The following PDE4B variants were observed in gnomAD, a reference collection of about 807,000 sequenced individuals.
PDE4B encodes the protein 3',5'-cyclic-AMP phosphodiesterase 4B.
Under a neutral mutation model 82.2 loss-of-function variants are expected in PDE4B, and 20 were observed. The observed-to-expected ratio is 0.24, with a 90% CI of 0.17 to 0.35. The LOEUF (loss-of-function observed/expected upper bound fraction) is 0.35. Among genes scored for constraint, PDE4B ranks in the 10% least tolerant of loss-of-function variants. PDE4B has a pLI of 1.00. For synonymous variants in PDE4B, 320 were observed against 318.9 expected (o/e 1.00, Z -0.04); for missense variants, 655 against 907.2 (o/e 0.72, Z 3.57).
intron 1 of PDE4B, among the ~76,000 whole-genome samples, chr1:65,841,354 G>C (rs1052238445): frequency 5.3e-5 from 8 of 149,700 alleles, no homozygotes; most frequent in Non-Finnish European, 5.9e-5. Flanking sequence ...AAGGAAGAAA[G>C]AAAGAGAGAG....
intron 7 of PDE4B, among the ~76,000 whole-genome samples, chr1:66,280,960 G>A (rs531688131): frequency 2.0e-5 from 3 of 152,166 alleles, no homozygotes; most frequent in African/African-American, 4.8e-5. Flanking sequence ...CGTCACCAGG[G>A]TGTACATAGC....
Position 66,242,791 on chromosome 1 carries a change from C to A in PDE4B, c.282-4669C>A, listed in dbSNP as rs1291231803. Reference sequence around the variant, plus strand: ...TAAGGCTTCAGTTATGTTTCTCCCTCCAAAATTGCCAGCAGCCCCACCTGC... The same window carrying A: ...TAAGGCTTCAGTTATGTTTCTCCCTACAAAATTGCCAGCAGCCCCACCTGC... On this transcript the variant is annotated intron_variant, in intron 3 of 16. Transcript: ENST00000341517. Among the ~76,000 whole-genome samples the A allele has an allele frequency of 2.0e-5, 3 of 152,192 alleles. No individual in the cohort carries two copies. In the South Asian group the frequency reaches 6.2e-4, roughly 32 times the overall value.
chr1:66,207,636 T>C (rs967540135), intron 3 of PDE4B, among the ~76,000 whole-genome samples: 2 of 152,196 alleles, frequency 1.3e-5, no homozygotes, highest in African/African-American at 2.4e-5. Context: ...CTGTTTAATT[T>C]CTCATATGAT....
chr1:65,845,842 T>G (rs1646262291), intron 1 of PDE4B, among the ~76,000 whole-genome samples: 1 of 152,144 alleles, frequency 6.6e-6, no homozygotes, highest in Non-Finnish European at 1.5e-5. Flanking sequence ...TCCGGATGGG[T>G]GTCTCATTAC....
chr1:66,203,667 T>C (rs377308494), intron 3 of PDE4B, among the ~76,000 whole-genome samples: 27 of 152,338 alleles, frequency 1.8e-4, no homozygotes, highest in African/African-American at 6.5e-4. Flanking sequence ...GCATTCTTCA[T>C]GTAGTTCTCG....
chr1:66,057,249 T>C (rs1655351882), intron 3 of PDE4B, among the ~76,000 whole-genome samples: 1 of 152,192 alleles, frequency 6.6e-6, no homozygotes, highest in Non-Finnish European at 1.5e-5. Flanking sequence ...TAAATAATAA[T>C]AGACATGTTT....
At chr1:66,322,706 G>A (rs1249496466) in intron 7 of PDE4B, among the ~76,000 whole-genome samples, 4 of 151,612 alleles carry the variant, frequency 2.6e-5, no homozygotes, top group Non-Finnish European at 5.9e-5. Context: ...AAAAATTCCT[G>A]TGTTGAAACC....
chr1:66,032,040 A>C (rs147516070), intron 3 of PDE4B, among the ~76,000 whole-genome samples: 1 of 152,330 alleles, frequency 6.6e-6, no homozygotes, highest in African/African-American at 2.4e-5. Flanking sequence ...TCTGAGATAG[A>C]GCTGATCTGG....
At chr1:66,231,779 C>G (rs185324894) in intron 3 of PDE4B, among the ~76,000 whole-genome samples, 1 of 152,306 alleles carries the variant, frequency 6.6e-6, no homozygotes, top group East Asian at 1.9e-4. Context: ...CTTCTCTATT[C>G]ACTTCAAAAC....
chr1:65,970,595 A>G (rs1294440252), intron 3 of PDE4B, among the ~76,000 whole-genome samples: 1 of 152,164 alleles, frequency 6.6e-6, no homozygotes, highest in Non-Finnish European at 1.5e-5. Flanking sequence ...GGAAATAGAT[A>G]TGCCAATATA....
chr1:66,079,278 T>C (rs952617612), intron 3 of PDE4B, among the ~76,000 whole-genome samples: 1 of 151,998 alleles, frequency 6.6e-6, no homozygotes, highest in Non-Finnish European at 1.5e-5. Context: ...TGGACAAGTA[T>C]TTCTAGTTAA....
intron 1 of PDE4B, among the ~76,000 whole-genome samples, chr1:65,838,135 T>C (rs1646162805): frequency 6.6e-6 from 1 of 152,208 alleles, no homozygotes; most frequent in African/African-American, 2.4e-5. Flanking sequence ...CTTGACTTCC[T>C]TTTTTGTTCA....
chr1:66,002,666 T>G (rs887184028), intron 3 of PDE4B, among the ~76,000 whole-genome samples: 1 of 152,052 alleles, frequency 6.6e-6, no homozygotes, highest in Admixed American at 6.6e-5. Context: ...TTTGACGTTG[T>G]CTGGAATTTA....
rs76794402 is a variant in PDE4B, at chr1:66,328,415, C to T, written c.635-4093C>T. ...GTTAAACATTGTTTCTTTTCAGGGC[C>T]ATCTTATGTAAGACAGGAAGAGACC... On this transcript the variant is annotated intron_variant, in intron 7 of 16. Transcript: ENST00000341517. Among the ~76,000 whole-genome samples, 882 of 152,300 alleles carry T rather than the reference C, an allele frequency of 5.8e-3. 10 individuals are homozygous for T. The highest frequency in any genetic ancestry group is 0.053 in the East Asian group (276 of 5,184).
chr1:66,352,260 T>C (rs910435058), intron 8 of PDE4B, among the ~76,000 whole-genome samples: 1 of 152,224 alleles, frequency 6.6e-6, no homozygotes, highest in African/African-American at 2.4e-5. Context: ...GTAGCATTGC[T>C]GTGCCCTTAG....
At chr1:66,182,693 A>ATTTTTCTGCCCCATTGACGTC (rs1553155225) in intron 3 of PDE4B, among the ~76,000 whole-genome samples, 3 of 152,032 alleles carry the variant, frequency 2.0e-5, no homozygotes, top group Admixed American at 6.6e-5. Context: ...CGCTGCTCCA[A>ATTTTTCTGCCCCATTGACGTC]TTTTTCTGCC....
intron 1 of PDE4B, among the ~76,000 whole-genome samples, chr1:65,867,007 A>G (rs1646519449): frequency 6.6e-6 from 1 of 152,196 alleles, no homozygotes; most frequent in Admixed American, 6.5e-5. Context: ...TAACTTTTAG[A>G]GGTGTTTAAT....
At chr1:66,056,338 G>C (rs1655289817) in intron 3 of PDE4B, among the ~76,000 whole-genome samples, 1 of 150,846 alleles carries the variant, frequency 6.6e-6, no homozygotes, top group Non-Finnish European at 1.5e-5. Context: ...GCTGTGGTCA[G>C]AAGGGCATAT....
chr1:66,147,483 A>C (rs560982773), intron 3 of PDE4B, among the ~76,000 whole-genome samples: 1 of 152,334 alleles, frequency 6.6e-6, no homozygotes, highest in South Asian at 2.1e-4. Context: ...TACCTTCCAC[A>C]TGCCCACACT....
Sources: allele counts gnomAD v4.1 joint callset (sites outside exome capture counted in the v4.1 genomes callset), GRCh38; gene constraint gnomAD v4.1.1; transcripts MANE v1.5; gene names NCBI Gene and HGNC (gene_info 2026-07-23, HGNC 2026-07-21).